Variants in DNAH6 observed in about 807,000 individuals in gnomAD.
DNAH6 encodes the protein dynein axonemal heavy chain 6.
Under a neutral mutation model 491.4 loss-of-function variants are expected in DNAH6, and 340 were observed. The ratio of observed to expected loss-of-function variants is 0.69; its 90% CI spans 0.63 to 0.76. The LOEUF is 0.76. Ranked by LOEUF, DNAH6 falls within the 30% of genes least tolerant of loss-of-function variation. DNAH6 has a pLI of 0.00. For missense variants in DNAH6, 4,443 were observed against 4,972.2 expected (o/e 0.89, Z 3.20); for synonymous variants, 1,603 against 1,686.1 (o/e 0.95, Z 1.21).
At chr2:84,634,353 G>A (rs192887142) in intron 29 of DNAH6, 151 bp from the exon 30 acceptor site, 2 of 686,390 alleles carry the variant, frequency 2.9e-6, no homozygotes, top group East Asian at 3.4e-5. Context: ...GTAGAAAAGT[G>A]TTTACTTCTG....
intron 11 of DNAH6, among the ~76,000 whole-genome samples, chr2:84,567,330 G>C (rs975811235): frequency 2.6e-5 from 4 of 152,080 alleles, no homozygotes; most frequent in Non-Finnish European, 5.9e-5. Context: ...AACCAAAAAA[G>C]AGCCTGTATA....
chr2:84,718,199 T>G lies in DNAH6; in HGVS notation c.9612-5T>G. 6.6e-7 allele frequency: 1 copy of G among 1,509,758 alleles called. No individual in the cohort carries two copies. The highest frequency in any genetic ancestry group is 8.8e-7 in the Non-Finnish European group (1 of 1,130,038). 93.5% of individuals were successfully genotyped at this position (1,509,758 alleles called of 1,614,324 possible). A position where few individuals can be genotyped will look rare whatever the true frequency, so the allele number is the denominator to read the frequency against. ...ATAATTTAGATATCTGAACTTTGGT[T>G]TTAGTGATGTGGTGCGACTTGAAAA... On this transcript the variant is annotated splice_region_variant and splice_polypyrimidine_tract_variant and intron_variant, in intron 58 of 76. Coordinates refer to ENST00000389394, the MANE Select transcript of DNAH6 (RefSeq NM_001370.2).
At chr2:84,703,680 G>T in intron 50 of DNAH6, 118 bp downstream of exon 50, 1 of 958,128 alleles carries the variant, frequency 1.0e-6, no homozygotes. Context: ...TTAAGTGATA[G>T]ATTTAGCAAA....
intron 34 of DNAH6, 114 bp downstream of exon 34, chr2:84,653,988 TC>T (rs1690707124): frequency 2.4e-6 from 2 of 831,350 alleles, no homozygotes; most frequent in Non-Finnish European, 3.6e-6. Flanking sequence ...ATTATTGTGT[TC>T]TGTTTACTTA....
intron 76 of DNAH6, among the ~76,000 whole-genome samples, chr2:84,817,658 A>G (rs868771228): frequency 4.6e-5 from 7 of 152,326 alleles, no homozygotes; most frequent in African/African-American, 1.7e-4. Flanking sequence ...CTATAAAGGA[A>G]TACCTGAGGC....
chr2:84,583,377 A>C (rs573482111), intron 14 of DNAH6, among the ~76,000 whole-genome samples: 1 of 152,336 alleles, frequency 6.6e-6, no homozygotes, highest in East Asian at 1.9e-4. Flanking sequence ...TTAATACAAC[A>C]AAAGAACAAA....
In DNAH6 at chr2:84,702,676, G is replaced by A. The variant is rs370211223; in HGVS notation, c.8062-719G>A. 2.2e-4 allele frequency among the ~76,000 whole-genome samples: 33 copies of A among 151,684 alleles called. No individual in the cohort carries two copies. In the East Asian group the frequency reaches 5.6e-3, roughly 26 times the overall value. On this transcript the variant is annotated intron_variant, in intron 49 of 76. Transcript: ENST00000389394. ...TCCTGCCTCAGCCTCCCAAGTAGCT[G>A]GGACTATAGTCAACCGCCACCACGC...
At chr2:84,768,811 G>A (rs560000124) in intron 64 of DNAH6, among the ~76,000 whole-genome samples, 240 of 152,160 alleles carry the variant, frequency 1.6e-3, no homozygotes, top group African/African-American at 5.4e-3. Context: ...TGGTGTTTTG[G>A]GTGGAAATTG....
In DNAH6 at chr2:84,528,883, TCAAAA is replaced by T; in HGVS notation, c.400-20_400-16del. The T allele has an allele frequency of 6.6e-7, 1 of 1,513,110 alleles. No homozygotes were observed. The highest frequency in any genetic ancestry group is 2.3e-5 in the Admixed American group (1 of 42,686). 93.7% of individuals were successfully genotyped at this position (1,513,110 alleles called of 1,614,324 possible). On this transcript the variant is annotated splice_polypyrimidine_tract_variant and intron_variant, in intron 3 of 76. Transcript: ENST00000389394. The stretch of plus-strand genomic sequence containing the variant: ...GTGTGCAAAGACTCATTTTTTTTTT[TCAAAA>T]ATTGGCTTTGTTTAGATTCATCGGC...
chr2:84,460,039 C>T, the DNAH6 span: 2 of 152,224 alleles, frequency 1.3e-5, no homozygotes, highest in Non-Finnish European at 2.9e-5. Context: ...ACAGTTCCCT[C>T]TTCTGTAACA....
At chr2:84,789,905 C>T (rs966590498) in intron 68 of DNAH6, among the ~76,000 whole-genome samples, 4 of 152,076 alleles carry the variant, frequency 2.6e-5, no homozygotes, top group African/African-American at 4.8e-5. Flanking sequence ...CCATTTTCTT[C>T]GGTTAATATA....
At chr2:84,600,830 C>T (rs72941057) in intron 18 of DNAH6, among the ~76,000 whole-genome samples, 6,123 of 151,642 alleles carry the variant, frequency 0.04, 405 homozygotes, top group African/African-American at 0.14. Flanking sequence ...GAAGTTACTA[C>T]GCACAGCCAT....
At chr2:84,666,856 A>T (rs1692180259) in intron 37 of DNAH6, among the ~76,000 whole-genome samples, 2 of 152,290 alleles carry the variant, frequency 1.3e-5, no homozygotes, top group South Asian at 4.1e-4. Context: ...CTATACTACA[A>T]GGCTACAGTA....
At chr2:84,702,124 A>T (rs1423286844) in intron 49 of DNAH6, among the ~76,000 whole-genome samples, 1 of 152,204 alleles carries the variant, frequency 6.6e-6, no homozygotes, top group East Asian at 1.9e-4. Context: ...AACATGTGCC[A>T]GTGGTTCCGA....
At chr2:84,803,586 TAAA>T (rs905735682) in intron 70 of DNAH6, among the ~76,000 whole-genome samples, 12 of 151,576 alleles carry the variant, frequency 7.9e-5, no homozygotes, top group East Asian at 1.9e-4. Context: ...TCAAAAATGT[TAAA>T]AAAACATTAT....
At chr2:84,701,423 T>C in intron 49 of DNAH6, 84 bp downstream of exon 49, 2 of 1,385,896 alleles carry the variant, frequency 1.4e-6, no homozygotes, top group Admixed American at 2.2e-5. Context: ...TGCACTGTCT[T>C]ACCTGTCAGG....
At chr2:84,510,368 G>A in the DNAH6 span, among the ~76,000 whole-genome samples, 8 of 152,106 alleles carry the variant, frequency 5.3e-5, no homozygotes, top group East Asian at 1.9e-4. Context: ...TGAGTGAATC[G>A]GCTACTGAGG....
At chr2:84,580,692 A>G (rs1347776925) in intron 14 of DNAH6, among the ~76,000 whole-genome samples, 2 of 152,204 alleles carry the variant, frequency 1.3e-5, no homozygotes, top group African/African-American at 2.4e-5. Flanking sequence ...TTGCTTATAA[A>G]TTGTCCTAGG....
At chr2:84,809,457 T>C (rs1679751748) in intron 72 of DNAH6, among the ~76,000 whole-genome samples, 1 of 152,150 alleles carries the variant, frequency 6.6e-6, no homozygotes, top group Non-Finnish European at 1.5e-5. Flanking sequence ...AGTCTTCACC[T>C]TGGGACTATG....
Sources: gnomAD v4.1 joint callset for allele counts (sites outside exome capture counted in the v4.1 genomes callset) on GRCh38, gnomAD v4.1.1 for gene constraint, MANE v1.5 for transcripts, NCBI Gene and HGNC (gene_info 2026-07-23, HGNC 2026-07-21) for gene names.